Variants in ZNF81 observed in about 807,000 individuals in gnomAD.
ZNF81 encodes the protein zinc finger protein 81 (HFZ20).
ZNF81 carries 5 observed loss-of-function variants against 32.3 expected under a neutral mutation model. That is an observed-to-expected ratio of 0.15 (90% confidence interval 0.08 to 0.33). The LOEUF is 0.33. ZNF81 is among the 10% of genes least tolerant of loss of function. The probability of loss-of-function intolerance (pLI) is 1.00; values close to 1 mark genes in which losing one functional copy is unlikely to be tolerated. For synonymous variants in ZNF81, 163 were observed against 166.8 expected, an observed-to-expected ratio of 0.98 and a Z score of 0.17; for missense variants, 379 against 479.8, an observed-to-expected ratio of 0.79 and a Z score of 1.96.
At chrX:47,849,313 C>G (rs2058483926) in intron 2 of ZNF81, among the ~76,000 whole-genome samples, 1 of 111,694 alleles carries the variant, frequency 9.0e-6, no homozygotes, top group South Asian at 3.7e-4. Context: ...TAGCATTCCA[C>G]AATCCCTCTA....
At chrX:47,904,836 G>A (rs1190444312) in intron 4 of ZNF81, among the ~76,000 whole-genome samples, 13 of 111,729 alleles carry the variant, frequency 1.2e-4, no homozygotes, top group African/African-American at 3.3e-4. Context: ...ACGATAGACT[G>A]GATTAAGAAA....
chrX:47,887,404 A>G (rs2058645996), intron 2 of ZNF81, among the ~76,000 whole-genome samples: 1 of 112,301 alleles, frequency 8.9e-6, no homozygotes, highest in African/African-American at 3.2e-5. Flanking sequence ...GGAAATTTCA[A>G]CAACACTCAA....
chrX:47,920,424 G>A lies in ZNF81; in HGVS notation c.*3792G>A, dbSNP rs1241744358. ...CAGGCCATGAATCCCTGGGTCTTGA[G>A]GGTGGGATTTTTTAGTGATCCTGCC... On this transcript the variant is annotated 3_prime_UTR_variant, in exon 5 of 5. Transcript: ENST00000338637. 4 of 110,652 alleles carry A rather than the reference G, an allele frequency of 3.6e-5. No homozygotes were observed. The highest frequency in any genetic ancestry group is 1.9e-4 in the Admixed American group (2 of 10,370). 9.1% of individuals were successfully genotyped at this position (110,652 alleles called of 1,213,427 possible).
chrX:47,899,141 G>A (rs1408656143), intron 4 of ZNF81, among the ~76,000 whole-genome samples: 1 of 111,254 alleles, frequency 9.0e-6, no homozygotes, highest in East Asian at 2.8e-4. Flanking sequence ...GAATGGAAGG[G>A]GTGAGTGTGG....
intron 1 of ZNF81, among the ~76,000 whole-genome samples, chrX:47,844,773 G>A (rs975135954): frequency 8.9e-6 from 1 of 112,183 alleles, no homozygotes; most frequent in Admixed American, 9.5e-5. Context: ...TTCAGAATGA[G>A]TGCACCATTT....
At chrX:47,841,786 G>T in intron 1 of ZNF81, 3 of 375,808 alleles carry the variant, frequency 8.0e-6, no homozygotes, top group South Asian at 6.1e-5. Flanking sequence ...ACCAGCTATT[G>T]GATTTATTTA....
chrX:47,893,616 A>G (rs2058669724), intron 3 of ZNF81, among the ~76,000 whole-genome samples: 1 of 109,595 alleles, frequency 9.1e-6, no homozygotes, highest in South Asian at 3.9e-4. Context: ...AACCTAGGAG[A>G]CTAACCCAGC....
chrX:47,883,965 T>C (rs2058630771), intron 2 of ZNF81, among the ~76,000 whole-genome samples: 1 of 110,469 alleles, frequency 9.1e-6, no homozygotes, highest in African/African-American at 3.3e-5. Context: ...TAAGAGATTG[T>C]GGCTGGGCGT....
chrX:47,848,557 GT>G (rs1296758266), intron 2 of ZNF81, among the ~76,000 whole-genome samples: 3 of 111,083 alleles, frequency 2.7e-5, no homozygotes, highest in Non-Finnish European at 5.7e-5. Flanking sequence ...ATTAGTAGTA[GT>G]TTTTTTGACA....
In ZNF81 at chrX:47,922,564, A is replaced by T. The variant is rs2058780375; in HGVS notation, c.*5932A>T. Among the ~76,000 whole-genome samples, 2 of 111,928 alleles carry T rather than the reference A, an allele frequency of 1.8e-5. No individual in the cohort carries two copies. The highest frequency in any genetic ancestry group is 9.5e-5 in the Admixed American group (1 of 10,559). ...AGATAGGCTCAGGAACCCATCTGCC[A>T]GGGTTTCAATCCTGGCTCTACCAAT... On this transcript the variant is annotated 3_prime_UTR_variant, in exon 5 of 5. Transcript: ENST00000338637.
rs782649315 is a variant in ZNF81, at chrX:47,918,013, A to G, written c.*1381A>G. 9.0e-6 allele frequency: 1 copy of G among 110,801 alleles called. No individual in the cohort carries two copies. The highest frequency in any genetic ancestry group is 9.6e-5 in the Admixed American group (1 of 10,390). 9.1% of individuals were successfully genotyped at this position (110,801 alleles called of 1,213,427 possible). ...TAGGGAAAGATACAGAAAAACAGTC[A>G]TCACCATACTCTGTGGGAAGATAGA... On this transcript the variant is annotated 3_prime_UTR_variant, in exon 5 of 5. Transcript: ENST00000338637.
chrX:47,885,331 G>A (rs782272334), intron 2 of ZNF81, among the ~76,000 whole-genome samples: 92 of 111,917 alleles, frequency 8.2e-4, no homozygotes, highest in African/African-American at 2.8e-3. Context: ...GAATCTATAA[G>A]TGTATGTCTT....
chrX:47,855,489 G>C (rs922435471), intron 2 of ZNF81, among the ~76,000 whole-genome samples: 1 of 111,080 alleles, frequency 9.0e-6, no homozygotes, highest in African/African-American at 3.3e-5. Flanking sequence ...ACCTTATCCT[G>C]TTCCATTGAG....
At position 47,839,223 on chromosome X, in the gene ZNF81, C is replaced by A. The variant is rs186077239; in HGVS notation, c.-164+2236C>A. Among the ~76,000 whole-genome samples the A allele has an allele frequency of 2.6e-4, 29 of 111,928 alleles. No homozygotes were observed. The East Asian group carries it at 4.7e-3, about 18-fold the overall frequency. ...AAATATTTAAATATTTGGTAGACTT[C>A]TCCAGTGAAGCCATCTGGGCCTGGA... On this transcript the variant is annotated intron_variant, in intron 1 of 4. Coordinates refer to ENST00000338637, the MANE Select transcript of ZNF81 (RefSeq NM_007137.5).
At chrX:47,870,322 T>G (rs2148018390) in intron 2 of ZNF81, among the ~76,000 whole-genome samples, 1 of 111,984 alleles carries the variant, frequency 8.9e-6, no homozygotes, top group South Asian at 3.7e-4. Flanking sequence ...CTAGCAGGGG[T>G]TGCTCTAATT....
intron 2 of ZNF81, among the ~76,000 whole-genome samples, chrX:47,871,215 A>C (rs2058578961): frequency 9.0e-6 from 1 of 111,581 alleles, no homozygotes; most frequent in African/African-American, 3.3e-5. Flanking sequence ...TCGGATATTA[A>C]TTTTCCATGA....
intron 2 of ZNF81, among the ~76,000 whole-genome samples, chrX:47,867,460 C>G (rs2058564370): frequency 8.9e-6 from 1 of 111,779 alleles, no homozygotes; most frequent in Non-Finnish European, 1.9e-5. Context: ...ATGATTTCCC[C>G]TTCTTTTATA....
chrX:47,847,731 A>T (rs1368107488), intron 2 of ZNF81, among the ~76,000 whole-genome samples: 1 of 111,663 alleles, frequency 9.0e-6, no homozygotes, highest in Non-Finnish European at 1.9e-5. Context: ...AAATGGATGC[A>T]TGACAGGTAC....
intron 1 of ZNF81, among the ~76,000 whole-genome samples, chrX:47,843,456 C>CACACACAT (rs2058458406): frequency 9.0e-6 from 1 of 110,534 alleles, no homozygotes; most frequent in Non-Finnish European, 1.9e-5. Flanking sequence ...CACACACACA[C>CACACACAT]ACACACACAT....
Sources: allele counts gnomAD v4.1 joint callset (sites outside exome capture counted in the v4.1 genomes callset), GRCh38; gene constraint gnomAD v4.1.1; transcripts MANE v1.5; gene names NCBI Gene and HGNC (gene_info 2026-07-23, HGNC 2026-07-21).